Variants in GPM6A observed in about 807,000 individuals in gnomAD.
GPM6A encodes neuronal membrane glycoprotein M6-a.
In GPM6A, 7 loss-of-function variants were observed where a neutral mutation model predicts 32.1. The observed-to-expected ratio is 0.22, with a 90% confidence interval of 0.12 to 0.41. GPM6A has a LOEUF of 0.41. Ranked by LOEUF, GPM6A falls within the 10% of genes least tolerant of loss-of-function variation. The pLI, the probability that GPM6A is intolerant of heterozygous loss-of-function variation, is 1.00. For synonymous variants in GPM6A, 130 were observed against 123.4 expected (o/e 1.05, Z -0.35); for missense variants, 235 against 347.2 (o/e 0.68, Z 2.57).
At chr4:175,951,813 T>A (rs989660725) in intron 1 of GPM6A, among the ~76,000 whole-genome samples, 4 of 152,218 alleles carry the variant, frequency 2.6e-5, no homozygotes, top group African/African-American at 9.6e-5. Context: ...GGTAAACTTT[T>A]CATAAGCAGA....
chr4:175,675,848 TG>T (rs1482079465), intron 2 of GPM6A, among the ~76,000 whole-genome samples: 1 of 152,000 alleles, frequency 6.6e-6, no homozygotes, highest in Admixed American at 6.5e-5. Context: ...GACGGGGTTT[TG>T]CCATGCTGCC....
chr4:175,843,520 A>G (rs1304482346), intron 1 of GPM6A, among the ~76,000 whole-genome samples: 2 of 152,080 alleles, frequency 1.3e-5, no homozygotes, highest in East Asian at 3.9e-4. Flanking sequence ...GTTTCAACAC[A>G]TTTATTCAGG....
intron 1 of GPM6A, among the ~76,000 whole-genome samples, chr4:175,911,937 A>C (rs2111509195): frequency 6.6e-6 from 1 of 152,320 alleles, no homozygotes; most frequent in East Asian, 1.9e-4. Context: ...TCTATTCAGG[A>C]CAGGCATAAT....
chr4:175,966,617 A>T (rs1579671717), intron 1 of GPM6A, among the ~76,000 whole-genome samples: 2 of 151,942 alleles, frequency 1.3e-5, no homozygotes, highest in South Asian at 4.2e-4. Flanking sequence ...TGTGAGGACA[A>T]GCAAGAAGAC....
intron 3 of GPM6A, among the ~76,000 whole-genome samples, chr4:175,671,159 G>A (rs899128726): frequency 1.3e-5 from 2 of 151,852 alleles, no homozygotes; most frequent in Non-Finnish European, 2.9e-5. Flanking sequence ...CACCACGCCC[G>A]GCCTGCTGCT....
At chr4:175,995,596 T>TTA (rs1320042170) in intron 1 of GPM6A, among the ~76,000 whole-genome samples, 2 of 152,092 alleles carry the variant, frequency 1.3e-5, no homozygotes, top group African/African-American at 4.8e-5. Context: ...GGATTACATG[T>TTA]TAAAATTGCA....
chr4:175,763,617 C>A (rs1732843738), intron 1 of GPM6A, among the ~76,000 whole-genome samples: 1 of 151,986 alleles, frequency 6.6e-6, no homozygotes, highest in Non-Finnish European at 1.5e-5. Flanking sequence ...AGAATAACCC[C>A]AGATTATTTA....
At chr4:175,652,078 T>G (rs1193911805) in intron 3 of GPM6A, 91 bp from the exon 4 acceptor site, 1 of 918,476 alleles carries the variant, frequency 1.1e-6, no homozygotes, top group Non-Finnish European at 1.7e-6. Flanking sequence ...TTATAGGAAG[T>G]TTATGGGATA....
At chr4:175,903,374 G>A (rs968435725) in intron 1 of GPM6A, among the ~76,000 whole-genome samples, 1 of 151,848 alleles carries the variant, frequency 6.6e-6, no homozygotes, top group Admixed American at 6.6e-5. Context: ...AATATAGAGG[G>A]AATGATGAAG....
chr4:175,969,306 T>C (rs1477107495), intron 1 of GPM6A, among the ~76,000 whole-genome samples: 1 of 152,178 alleles, frequency 6.6e-6, no homozygotes, highest in Non-Finnish European at 1.5e-5. Context: ...GCAGTGAGAC[T>C]ATTCTGTACA....
At chr4:175,635,177 G>T in intron 6 of GPM6A, 120 bp from the exon 7 acceptor site, 1 of 704,272 alleles carries the variant, frequency 1.4e-6, no homozygotes, top group Non-Finnish European at 2.4e-6. Context: ...CATATAAAAT[G>T]GAAACAAAAT....
intron 1 of GPM6A, among the ~76,000 whole-genome samples, chr4:175,732,348 T>G (rs533314283): frequency 6.6e-6 from 1 of 152,202 alleles, no homozygotes; most frequent in South Asian, 2.1e-4. Context: ...TGGTGTTCCC[T>G]ATTCCTTGGT....
chr4:175,648,850 C>T (rs1388958647), intron 4 of GPM6A, among the ~76,000 whole-genome samples: 1 of 152,218 alleles, frequency 6.6e-6, no homozygotes, highest in African/African-American at 2.4e-5. Context: ...CTGGGCCCAT[C>T]TGGCTAATCC....
intron 1 of GPM6A, among the ~76,000 whole-genome samples, chr4:175,712,389 A>G (rs1274975803): frequency 6.6e-6 from 1 of 152,194 alleles, no homozygotes; most frequent in Non-Finnish European, 1.5e-5. Flanking sequence ...AGTGCTCCAA[A>G]TTAATAAAGA....
chr4:175,735,824 T>G (rs1344063206), intron 1 of GPM6A, among the ~76,000 whole-genome samples: 1 of 152,136 alleles, frequency 6.6e-6, no homozygotes, highest in Non-Finnish European at 1.5e-5. Flanking sequence ...CCTCCCAAAG[T>G]GCTGGGATTA....
At chr4:175,945,236 A>G (rs546422528) in intron 1 of GPM6A, among the ~76,000 whole-genome samples, 51 of 152,330 alleles carry the variant, frequency 3.3e-4, no homozygotes, top group African/African-American at 1.2e-3. Context: ...TACTGTACAG[A>G]TATAAGAAAC....
At chr4:175,870,632 A>G (rs1736877088) in intron 1 of GPM6A, among the ~76,000 whole-genome samples, 1 of 152,076 alleles carries the variant, frequency 6.6e-6, no homozygotes. Flanking sequence ...CTTACACTAC[A>G]TCGCTTCTCT....
chr4:175,785,418 T>G (rs78200734), intron 1 of GPM6A, among the ~76,000 whole-genome samples: 3,076 of 152,252 alleles, frequency 0.02, 55 homozygotes, highest in Non-Finnish European at 0.031. Context: ...AATAATAAAT[T>G]AATGTCTTAA....
intron 1 of GPM6A, among the ~76,000 whole-genome samples, chr4:175,707,433 G>A (rs1332673052): frequency 3.3e-5 from 5 of 152,136 alleles, no homozygotes; most frequent in African/African-American, 1.2e-4. Context: ...TTTAAAAACA[G>A]TTTGTCTGAT....
Sources: allele counts gnomAD v4.1 joint callset (sites outside exome capture counted in the v4.1 genomes callset), GRCh38; gene constraint gnomAD v4.1.1; transcripts MANE v1.5; gene names NCBI Gene and HGNC (gene_info 2026-07-23, HGNC 2026-07-21).